SH3PXD2B: variants seen among roughly 807,000 people sequenced by gnomAD.
SH3PXD2B encodes the protein SH3 and PX domain-containing protein 2B.
A neutral mutation model predicts 73.1 loss-of-function variants in SH3PXD2B; 37 were observed. The observed-to-expected ratio is 0.51, with a 90% CI of 0.39 to 0.67. The LOEUF is 0.67. Among genes scored for constraint, SH3PXD2B ranks in the 30% least tolerant of loss-of-function variants. The pLI is 0.00. For missense variants in SH3PXD2B, 1,053 were observed against 1,197.8 expected, an observed-to-expected ratio of 0.88 and a Z score of 1.78; for synonymous variants, 457 against 480.5, an observed-to-expected ratio of 0.95 and a Z score of 0.64.
At chr5:172,378,874 T>C (rs1407476204) in intron 5 of SH3PXD2B, among the ~76,000 whole-genome samples, 1 of 151,838 alleles carries the variant, frequency 6.6e-6, no homozygotes, top group Non-Finnish European at 1.5e-5. Context: ...ATCGAGACCA[T>C]CCTGGCTAAC....
intron 6 of SH3PXD2B, among the ~76,000 whole-genome samples, chr5:172,370,595 G>T (rs1757680095): frequency 6.6e-6 from 1 of 152,178 alleles, no homozygotes; most frequent in African/African-American, 2.4e-5. Context: ...TTGCTCTGGG[G>T]CCAGGTCCAA....
At chr5:172,442,281 C>T (rs778045394) in intron 1 of SH3PXD2B, among the ~76,000 whole-genome samples, 1 of 152,148 alleles carries the variant, frequency 6.6e-6, no homozygotes, top group Admixed American at 6.5e-5. Flanking sequence ...AGAGATGATG[C>T]TTTGGGCATG....
intron 5 of SH3PXD2B, 119 bp downstream of exon 5, chr5:172,381,917 A>T: frequency 1.4e-6 from 1 of 714,610 alleles, no homozygotes; most frequent in Non-Finnish European, 2.4e-6. Context: ...GTGCGGTCTC[A>T]CAGGGGCTCA....
At chr5:172,365,213 G>A (rs930153874) in intron 6 of SH3PXD2B, among the ~76,000 whole-genome samples, 2 of 152,152 alleles carry the variant, frequency 1.3e-5, no homozygotes, top group Non-Finnish European at 2.9e-5. Flanking sequence ...TCAGAAGATC[G>A]GGCAGGAAGC....
downstream of SH3PXD2B, among the ~76,000 whole-genome samples, chr5:172,331,169 T>C (rs1756547441): frequency 6.6e-6 from 1 of 152,210 alleles, no homozygotes; most frequent in African/African-American, 2.4e-5. Flanking sequence ...CACTCCAGCT[T>C]GGGCGACAGA....
At chr5:172,366,016 C>G (rs1163511793) in intron 6 of SH3PXD2B, among the ~76,000 whole-genome samples, 1 of 152,144 alleles carries the variant, frequency 6.6e-6, no homozygotes, top group Non-Finnish European at 1.5e-5. Flanking sequence ...ACAGAAAGAA[C>G]TGGAAAGGAA....
intron 1 of SH3PXD2B, among the ~76,000 whole-genome samples, chr5:172,426,663 C>G (rs1486463905): frequency 6.6e-6 from 1 of 152,188 alleles, no homozygotes; most frequent in Admixed American, 6.5e-5. Flanking sequence ...AATGATGGCT[C>G]AGGGATGGGC....
In SH3PXD2B at chr5:172,445,405, T is replaced by G. The variant is rs1460241013; in HGVS notation, c.75+8873A>C. On this transcript the variant is annotated intron_variant, in intron 1 of 12. Transcript: ENST00000311601. The surrounding 1 kb of genome is among the most constrained non-coding windows in gnomAD (Gnocchi z 5.2). The stretch of plus-strand genomic sequence containing the variant: ...GTGGATTTTTAGTAGAGATGAGGTC[T>G]CACTATGTTCCCCAGGCTGGTATTG... Among the ~76,000 whole-genome samples the G allele has an allele frequency of 2.0e-5, 3 of 152,106 alleles. No individual in the cohort carries two copies. Among genetic ancestry groups the G allele is most frequent in the Non-Finnish European group, 4.4e-5 (3 of 68,022 alleles).
chr5:172,437,956 C>CTCAT (rs907333067), intron 1 of SH3PXD2B, among the ~76,000 whole-genome samples: 1 of 152,188 alleles, frequency 6.6e-6, no homozygotes, highest in African/African-American at 2.4e-5. Flanking sequence ...AACTCTTCAG[C>CTCAT]TCATTCATTC....
rs3057156 is a variant in SH3PXD2B, at chr5:172,382,556, A to AACACACACAC, written c.310-439_310-430dup. Among the ~76,000 whole-genome samples, 169 of 149,572 alleles carry AACACACACAC rather than the reference A, an allele frequency of 1.1e-3. 1 individual carries two copies. The South Asian group carries it at 0.017, about 15-fold the overall frequency. On this transcript the variant is annotated intron_variant, in intron 4 of 12. Transcript: ENST00000311601. ...TGGTGATGCTGCTGGTTTGGAGAACAACACACACACACACACACACACACA... is the reference window on the plus strand; with the variant it reads ...TGGTGATGCTGCTGGTTTGGAGAACAACACACACACACACACACACACACACACACACACA...
chr5:172,335,551 A>C lies in SH3PXD2B; in HGVS notation c.*2818T>G, dbSNP rs962779301. The C allele has an allele frequency of 3.2e-6, 4 of 1,231,692 alleles. No individual in the cohort carries two copies. Among genetic ancestry groups the C allele is most frequent in the Non-Finnish European group, 4.0e-6 (4 of 987,924 alleles). 76.3% of individuals were successfully genotyped at this position (1,231,692 alleles called of 1,614,324 possible). ...TCAGGGCTGGTCCTATCCGCCTCAC[A>C]GGCTTGCCGTAAGGATTAAAGGAGC... On this transcript the variant is annotated 3_prime_UTR_variant, in exon 13 of 13. Transcript: ENST00000311601.
At chr5:172,441,221 C>T (rs192300850) in intron 1 of SH3PXD2B, among the ~76,000 whole-genome samples, 10 of 152,238 alleles carry the variant, frequency 6.6e-5, no homozygotes, top group South Asian at 2.1e-4. Flanking sequence ...CATTTAGAGA[C>T]GAAGAAGATA....
intron 4 of SH3PXD2B, among the ~76,000 whole-genome samples, chr5:172,393,488 A>T (rs1367497805): frequency 6.6e-6 from 1 of 152,146 alleles, no homozygotes; most frequent in Non-Finnish European, 1.5e-5. Context: ...GAATCGTGTC[A>T]TCTGTGAGTC....
At chr5:172,397,855 C>T (rs866393609) in intron 3 of SH3PXD2B, among the ~76,000 whole-genome samples, 17 of 152,300 alleles carry the variant, frequency 1.1e-4, no homozygotes, top group African/African-American at 3.6e-4. Context: ...GGCTCGGTCT[C>T]GGTCCAAAGC....
intron 1 of SH3PXD2B, among the ~76,000 whole-genome samples, chr5:172,425,180 T>C (rs754086317): frequency 1.4e-4 from 21 of 152,182 alleles, no homozygotes; most frequent in Non-Finnish European, 2.8e-4. Context: ...TCACCGAGAC[T>C]CCAGCATGGA....
rs764489023 is a variant in SH3PXD2B, at chr5:172,346,297, A to C, written c.1063-36T>G. 3 of 1,612,634 alleles carry C rather than the reference A, an allele frequency of 1.9e-6. No homozygotes were observed. In the South Asian group the frequency reaches 3.3e-5, roughly 18 times the overall value. ...CACACACAGGGTTATCTCCAAGGCT[A>C]AGTGCACTCCTGCGACCCTGTGTCA... On this transcript the variant is annotated intron_variant, in intron 11 of 12. Coordinates refer to ENST00000311601, the MANE Select transcript of SH3PXD2B (RefSeq NM_001017995.3).
At chr5:172,329,140 G>A (rs1429314286), downstream of SH3PXD2B, among the ~76,000 whole-genome samples, 1 of 141,832 alleles carries the variant, frequency 7.1e-6, no homozygotes, top group South Asian at 2.3e-4. Flanking sequence ...GAGTGCAGTG[G>A]TGCTATCTCA....
chr5:172,372,097 G>A (rs1757717838), intron 6 of SH3PXD2B, among the ~76,000 whole-genome samples: 2 of 152,224 alleles, frequency 1.3e-5, no homozygotes, highest in South Asian at 4.1e-4. Flanking sequence ...GTACCCAGGG[G>A]CAGCAAAGGT....
At chr5:172,438,418 T>G (rs1485134424) in intron 1 of SH3PXD2B, among the ~76,000 whole-genome samples, 1 of 152,082 alleles carries the variant, frequency 6.6e-6, no homozygotes, top group Admixed American at 6.5e-5. Flanking sequence ...GTCCCCCCAG[T>G]GCCTGGCGAC....
Sources: allele counts gnomAD v4.1 joint callset (sites outside exome capture counted in the v4.1 genomes callset), GRCh38; gene constraint gnomAD v4.1.1; non-coding constraint Gnocchi (gnomAD v3.1); transcripts MANE v1.5; gene names NCBI Gene and HGNC (gene_info 2026-07-23, HGNC 2026-07-21).